OPCML: variants seen among roughly 807,000 people sequenced by gnomAD.
The protein encoded by OPCML is opioid-binding protein/cell adhesion molecule.
Under a neutral mutation model 37.8 loss-of-function variants are expected in OPCML, and 13 were observed. The observed-to-expected ratio is 0.34, with a 90% CI of 0.22 to 0.55. The LOEUF is 0.55. Ranked by LOEUF, OPCML falls within the 20% of genes least tolerant of loss-of-function variation. OPCML has a pLI of 0.91. For synonymous variants in OPCML, 176 were observed against 168.8 expected (o/e 1.04, Z -0.33); for missense variants, 341 against 435.6 (o/e 0.78, Z 1.93).
intron 1 of OPCML, among the ~76,000 whole-genome samples, chr11:133,061,236 TTC>T (rs1245162279): frequency 6.6e-6 from 1 of 152,192 alleles, no homozygotes; most frequent in African/African-American, 2.4e-5. Context: ...TGTTAATTTC[TTC>T]TCTGTTTAAA....
intron 4 of OPCML, among the ~76,000 whole-genome samples, chr11:132,448,502 A>G (rs529001480): frequency 5.3e-5 from 8 of 152,296 alleles, no homozygotes; most frequent in Admixed American, 3.3e-4. Context: ...AGAGGAAAGG[A>G]TCAGGAGCTG....
rs76894858 is a variant in OPCML, at chr11:133,209,250, G to A, written c.62-266240C>T. Among the ~76,000 whole-genome samples the A allele has an allele frequency of 1.5e-3, 229 of 152,238 alleles. 4 individuals are homozygous for A. In the East Asian group the frequency reaches 0.034, roughly 22 times the overall value. ...AGACATGTTTACCCCTAGAATTTCC[G>A]CATCTAGTGCAATACCTGGCGTGGA... On this transcript the variant is annotated intron_variant, in intron 1 of 7. Coordinates refer to ENST00000524381, the MANE Select transcript of OPCML (RefSeq NM_001012393.5).
chr11:132,477,180 G>A (rs557132354), intron 4 of OPCML, among the ~76,000 whole-genome samples: 2 of 152,304 alleles, frequency 1.3e-5, no homozygotes, highest in South Asian at 2.1e-4. Context: ...GAGCCAGAGT[G>A]AGTTGCCCAA....
chr11:133,443,588 C>T (rs1413572322), intron 1 of OPCML, among the ~76,000 whole-genome samples: 1 of 152,202 alleles, frequency 6.6e-6, no homozygotes, highest in African/African-American at 2.4e-5. Flanking sequence ...CATTAGTAAC[C>T]AGGTTACTTC....
chr11:132,570,351 A>C (rs1483238366), intron 3 of OPCML, among the ~76,000 whole-genome samples: 3 of 152,126 alleles, frequency 2.0e-5, no homozygotes, highest in African/African-American at 7.2e-5. Flanking sequence ...CTAGATCACA[A>C]TGACATGAAA....
chr11:132,476,888 C>T (rs1257592384), intron 4 of OPCML, among the ~76,000 whole-genome samples: 1 of 151,680 alleles, frequency 6.6e-6, no homozygotes, highest in Non-Finnish European at 1.5e-5. Context: ...TCCATGAATC[C>T]CATTGTTTGA....
chr11:132,441,824 T>A (rs7946329), intron 4 of OPCML, among the ~76,000 whole-genome samples: 43,285 of 152,134 alleles, frequency 0.28, 6,282 homozygotes, highest in Non-Finnish European at 0.31. Flanking sequence ...CAGATGCAGG[T>A]TGCATCCTTG....
intron 1 of OPCML, among the ~76,000 whole-genome samples, chr11:132,975,520 G>A (rs569485619): frequency 1.2e-5 from 1 of 81,746 alleles, no homozygotes; most frequent in African/African-American, 4.7e-5. Flanking sequence ...GTCCCATCCA[G>A]GTTTCAAGCA....
intron 2 of OPCML, among the ~76,000 whole-genome samples, chr11:132,731,035 G>A (rs1262848235): frequency 6.6e-6 from 1 of 152,218 alleles, no homozygotes; most frequent in African/African-American, 2.4e-5. Flanking sequence ...TGAATCTAGA[G>A]CTGTGCAGTT....
chr11:132,820,499 T>C (rs1939917286), intron 2 of OPCML, among the ~76,000 whole-genome samples: 1 of 151,990 alleles, frequency 6.6e-6, no homozygotes, highest in African/African-American at 2.4e-5. Flanking sequence ...ATATATGTGG[T>C]GTGTGTGTAT....
intron 1 of OPCML, among the ~76,000 whole-genome samples, chr11:133,031,041 A>G (rs1470182565): frequency 6.6e-6 from 1 of 152,214 alleles, no homozygotes; most frequent in Non-Finnish European, 1.5e-5. Flanking sequence ...CAGAGAAAAA[A>G]GGTATCACAA....
chr11:132,650,059 A>G (rs1482379646), intron 3 of OPCML, among the ~76,000 whole-genome samples: 1 of 152,104 alleles, frequency 6.6e-6, no homozygotes, highest in Non-Finnish European at 1.5e-5. Context: ...CCCACTGTCC[A>G]TTAAATATGT....
chr11:132,826,100 C>T (rs554368846), intron 2 of OPCML, among the ~76,000 whole-genome samples: 67 of 152,268 alleles, frequency 4.4e-4, no homozygotes, highest in Non-Finnish European at 6.8e-4. Flanking sequence ...TCCTGTCCAT[C>T]TCTGTGAAGA....
intron 4 of OPCML, among the ~76,000 whole-genome samples, chr11:132,477,562 G>A (rs898335253): frequency 1.3e-5 from 2 of 152,232 alleles, no homozygotes; most frequent in Non-Finnish European, 1.5e-5. Context: ...ATATGGCTAA[G>A]AGAAGAGGGC....
At chr11:133,452,786 T>C (rs181380938) in intron 1 of OPCML, among the ~76,000 whole-genome samples, 43 of 151,902 alleles carry the variant, frequency 2.8e-4, no homozygotes, top group Non-Finnish European at 4.7e-4. Flanking sequence ...AATGTGAGGC[T>C]GGATCTAAAT....
intron 4 of OPCML, among the ~76,000 whole-genome samples, chr11:132,469,883 GGT>G (rs113475116): frequency 0.13 from 6,531 of 52,062 alleles, 655 homozygotes; most frequent in East Asian, 0.44. Context: ...ATGTGTGGGA[GGT>G]GTGTGTGTGT....
At chr11:132,523,848 C>G (rs2096300752) in intron 4 of OPCML, among the ~76,000 whole-genome samples, 1 of 152,150 alleles carries the variant, frequency 6.6e-6, no homozygotes, top group South Asian at 2.1e-4. Flanking sequence ...AAAGAGTCAG[C>G]TTTGGTTACC....
At position 132,965,565 on chromosome 11, in the gene OPCML, G is replaced by A. The variant is rs377396694; in HGVS notation, c.62-22555C>T. 1.5e-3 allele frequency among the ~76,000 whole-genome samples: 235 copies of A among 152,018 alleles called. 2 individuals carry two copies. The highest frequency in any genetic ancestry group is 4.4e-3 in the African/African-American group (184 of 41,484). The stretch of plus-strand genomic sequence containing the variant: ...TTTGTTTTCTTTTTGAGACAGTCTC[G>A]CTCTCTTGCCAGGCTGGAGTGCAGT... On this transcript the variant is annotated intron_variant, in intron 1 of 7. Coordinates refer to ENST00000524381, the MANE Select transcript of OPCML (RefSeq NM_001012393.5).
chr11:132,794,923 A>T (rs1476957494), intron 2 of OPCML, among the ~76,000 whole-genome samples: 1 of 152,032 alleles, frequency 6.6e-6, no homozygotes, highest in Non-Finnish European at 1.5e-5. Context: ...AAGAAACTAT[A>T]AAAGATATGT....
Sources: gnomAD v4.1 joint callset for allele counts (sites outside exome capture counted in the v4.1 genomes callset) on GRCh38, gnomAD v4.1.1 for gene constraint, MANE v1.5 for transcripts, NCBI Gene and HGNC (gene_info 2026-07-23, HGNC 2026-07-21) for gene names.